RALYL: variants seen among roughly 807,000 people sequenced by gnomAD.
The protein encoded by RALYL is RNA-binding Raly-like protein.
RALYL carries 29 observed loss-of-function variants against 35.1 expected under a neutral mutation model. That is an observed-to-expected ratio of 0.83 (90% CI 0.61 to 1.13). RALYL has a LOEUF of 1.13. RALYL is among the 50% of genes most tolerant of loss of function. The probability of loss-of-function intolerance (pLI) is 0.00; values close to 1 mark genes in which losing one functional copy is unlikely to be tolerated. For synonymous variants in RALYL, 120 were observed against 127.6 expected (o/e 0.94, Z 0.40); for missense variants, 359 against 360.4 (o/e 1.00, Z 0.03).
At chr8:84,726,304 A>G (rs1844942092) in intron 2 of RALYL, among the ~76,000 whole-genome samples, 1 of 146,802 alleles carries the variant, frequency 6.8e-6, no homozygotes, top group Non-Finnish European at 1.5e-5. Context: ...ATAAAATTAT[A>G]TATATTTATA....
At chr8:84,914,507 C>G (rs1254676614) in intron 8 of RALYL, among the ~76,000 whole-genome samples, 1 of 151,812 alleles carries the variant, frequency 6.6e-6, no homozygotes, top group Non-Finnish European at 1.5e-5. Flanking sequence ...TATCAGAGTA[C>G]AATTGGAATA....
intron 4 of RALYL, among the ~76,000 whole-genome samples, chr8:84,814,908 C>T (rs532835762): frequency 2.0e-5 from 3 of 152,318 alleles, no homozygotes; most frequent in Admixed American, 1.3e-4. Flanking sequence ...TCTGTTTGCA[C>T]AGGTAGATCA....
At chr8:84,849,808 C>T (rs1289535626) in intron 4 of RALYL, among the ~76,000 whole-genome samples, 172 bp from the exon 5 acceptor site, 1 of 152,090 alleles carries the variant, frequency 6.6e-6, no homozygotes, top group Non-Finnish European at 1.5e-5. Context: ...AATAATTTGG[C>T]ATGACATTAT....
rs1222221221 is a variant in RALYL at position 84,820,934 on chromosome 8, T to C, written c.365+16132T>C. Among the ~76,000 whole-genome samples the C allele has an allele frequency of 2.0e-5, 3 of 152,310 alleles. No individual in the cohort carries two copies. In the East Asian group the frequency reaches 5.8e-4, roughly 29 times the overall value. ...TACTGCACGAAGAGAGTTGTTATTG[T>C]TTCAATTTAAAAATAAGATCTTAGT... On this transcript the variant is annotated intron_variant, in intron 4 of 8. Transcript: ENST00000521268.
intron 4 of RALYL, among the ~76,000 whole-genome samples, chr8:84,846,274 C>A (rs1349690636): frequency 6.6e-6 from 1 of 152,120 alleles, no homozygotes; most frequent in Non-Finnish European, 1.5e-5. Flanking sequence ...AATCCATGAA[C>A]AAGGAGTGTT....
In RALYL at chr8:84,739,082, T is replaced by C. The variant is rs984269163; in HGVS notation, c.257-35497T>C. 1.8e-4 allele frequency among the ~76,000 whole-genome samples: 28 copies of C among 152,134 alleles called. 2 individuals carry two copies. The highest frequency in any genetic ancestry group is 1.6e-3 in the Admixed American group (25 of 15,246). On this transcript the variant is annotated intron_variant, in intron 2 of 8. Coordinates refer to ENST00000521268, the MANE Select transcript of RALYL (RefSeq NM_173848.7). ...TGGAAATTCAAAATTAATTAATGTG[T>C]CCATGATTAAGATATAATTTTAACT...
At chr8:84,478,447 T>C (rs1021270439) in intron 1 of RALYL, among the ~76,000 whole-genome samples, 1 of 152,190 alleles carries the variant, frequency 6.6e-6, no homozygotes, top group Non-Finnish European at 1.5e-5. Context: ...AATGTCTAAA[T>C]GAAAACACTA....
chr8:84,186,380 C>A (rs1245024938), intron 1 of RALYL, among the ~76,000 whole-genome samples: 1 of 152,106 alleles, frequency 6.6e-6, no homozygotes, highest in East Asian at 1.9e-4. Flanking sequence ...TCAATTATAA[C>A]AATGTATGTA....
intron 2 of RALYL, among the ~76,000 whole-genome samples, chr8:84,649,136 T>C (rs573168208): frequency 6.6e-6 from 1 of 152,108 alleles, no homozygotes; most frequent in Non-Finnish European, 1.5e-5. Context: ...GCATATGTTG[T>C]CACCAAAACT....
At chr8:84,204,946 A>G (rs1393974995) in intron 1 of RALYL, among the ~76,000 whole-genome samples, 1 of 152,164 alleles carries the variant, frequency 6.6e-6, no homozygotes, top group Non-Finnish European at 1.5e-5. Context: ...TATAGATGAT[A>G]AACTGGAGGC....
chr8:84,451,825 TG>T (rs1326495984), intron 1 of RALYL, among the ~76,000 whole-genome samples: 5 of 152,054 alleles, frequency 3.3e-5, no homozygotes, highest in African/African-American at 1.2e-4. Context: ...TAAGAATATT[TG>T]GCATTACTTA....
At chr8:84,544,839 T>C (rs146383093) in intron 2 of RALYL, among the ~76,000 whole-genome samples, 43 of 152,214 alleles carry the variant, frequency 2.8e-4, no homozygotes, top group African/African-American at 9.9e-4. Flanking sequence ...ACACAAAATA[T>C]ATTTGTAAAA....
intron 2 of RALYL, among the ~76,000 whole-genome samples, chr8:84,772,862 T>C (rs181229558): frequency 6.6e-6 from 1 of 152,246 alleles, no homozygotes; most frequent in African/African-American, 2.4e-5. Context: ...TATATAAAGT[T>C]TAATATAGTG....
rs538449643 is a variant in RALYL, at chr8:84,903,784, C to T, written c.858+16008C>T. On this transcript the variant is annotated intron_variant, in intron 8 of 8. Transcript: ENST00000521268. The stretch of plus-strand genomic sequence containing the variant: ...GATTCTGAGAGGCAAACAAGTCTTT[C>T]CCGTCTTGTAAATTATTCCCAAATT... Among the ~76,000 whole-genome samples, 143 of 152,218 alleles carry T rather than the reference C, an allele frequency of 9.4e-4. 1 individual carries two copies. The highest frequency in any genetic ancestry group is 1.6e-3 in the Non-Finnish European group (110 of 68,008).
intron 1 of RALYL, among the ~76,000 whole-genome samples, chr8:84,524,561 C>A (rs1033199497): frequency 3.9e-5 from 6 of 152,032 alleles, no homozygotes; most frequent in Non-Finnish European, 8.8e-5. Flanking sequence ...AATTCAAGAC[C>A]ACTAAATCAG....
intron 1 of RALYL, among the ~76,000 whole-genome samples, chr8:84,248,880 G>A (rs1043609833): frequency 6.6e-6 from 1 of 152,060 alleles, no homozygotes; most frequent in African/African-American, 2.4e-5. Flanking sequence ...AGTCTTCAGA[G>A]ACTTGATGTT....
rs147724331 is a variant in RALYL at position 84,895,995 on chromosome 8, A to G, written c.858+8219A>G. Among the ~76,000 whole-genome samples, 587 of 152,268 alleles carry G rather than the reference A, an allele frequency of 3.9e-3. 6 individuals are homozygous for G. Among genetic ancestry groups the G allele is most frequent in the African/African-American group, 0.013 (550 of 41,560 alleles). On this transcript the variant is annotated intron_variant, in intron 8 of 8. Coordinates refer to ENST00000521268, the MANE Select transcript of RALYL (RefSeq NM_173848.7). The stretch of plus-strand genomic sequence containing the variant: ...TTGCCACTCCCTCACAATCTCTCCC[A>G]GCTGCTTCTGGGAGTCCCAAAAAGT...
At chr8:84,756,866 T>A (rs546705108) in intron 2 of RALYL, among the ~76,000 whole-genome samples, 11 of 152,194 alleles carry the variant, frequency 7.2e-5, no homozygotes, top group Admixed American at 7.2e-4. Flanking sequence ...ACTCTGTGAA[T>A]AAAACCACAA....
chr8:84,184,828 C>A lies in RALYL; in HGVS notation c.-24+404C>A, dbSNP rs575296144. On this transcript the variant is annotated intron_variant, in intron 1 of 8. Coordinates refer to ENST00000521268, the MANE Select transcript of RALYL (RefSeq NM_173848.7). ...CGTGTACGTGGCGCTGGCCGTCGGG[C>A]GGGCTAGAGGGGACCCTCAGAGCAC... 8.7e-6 allele frequency: 6 copies of A among 685,834 alleles called. No homozygotes were observed. The Admixed American group carries it at 1.3e-4, about 14-fold the overall frequency. The allele number at this position is 685,834 out of a possible 1,614,324, so 42.5% of individuals were successfully genotyped here. A position where few individuals can be genotyped will look rare whatever the true frequency, so the allele number is the denominator to read the frequency against.
Sources: allele counts gnomAD v4.1 joint callset (sites outside exome capture counted in the v4.1 genomes callset), GRCh38; gene constraint gnomAD v4.1.1; transcripts MANE v1.5; gene names NCBI Gene and HGNC (gene_info 2026-07-23, HGNC 2026-07-21).